PTK7: variants seen among roughly 807,000 people sequenced by gnomAD.
PTK7 encodes the protein inactive tyrosine-protein kinase 7.
A neutral mutation model predicts 116.6 loss-of-function variants in PTK7; 39 were observed. The observed-to-expected ratio is 0.33, with a 90% CI of 0.26 to 0.44. The LOEUF (loss-of-function observed/expected upper bound fraction) is 0.44. Ranked by LOEUF, PTK7 falls within the 20% of genes least tolerant of loss-of-function variation. The pLI, the probability that PTK7 is intolerant of heterozygous loss-of-function variation, is 1.00. For synonymous variants in PTK7, 546 were observed against 563.6 expected (o/e 0.97, Z 0.44); for missense variants, 1,169 against 1,425.6 (o/e 0.82, Z 2.90).
intron 1 of PTK7, among the ~76,000 whole-genome samples, chr6:43,125,136 C>T (rs1423154377): frequency 6.6e-6 from 1 of 151,494 alleles, no homozygotes; most frequent in Non-Finnish European, 1.5e-5. Flanking sequence ...TGTGCCATTG[C>T]ATTCCAGCCT....
rs1174836650 is a variant in PTK7, at chr6:43,076,827, G to C, written c.79+260G>C. 29 of 1,424,008 alleles carry C rather than the reference G, an allele frequency of 2.0e-5. No individual in the cohort carries two copies. Among genetic ancestry groups the C allele is most frequent in the Non-Finnish European group, 2.5e-5 (27 of 1,085,216 alleles). 88.2% of individuals were successfully genotyped at this position (1,424,008 alleles called of 1,614,324 possible). A position where few individuals can be genotyped will look rare whatever the true frequency, so the allele number is the denominator to read the frequency against. ...ATTTCCAGCCTCCCTGAGTTTTTCTGGTCTGAGCCGAGAGTTTGCTCGAGA... is the reference window on the plus strand; with the variant it reads ...ATTTCCAGCCTCCCTGAGTTTTTCTCGTCTGAGCCGAGAGTTTGCTCGAGA... On this transcript the variant is annotated intron_variant, in intron 1 of 19. Coordinates refer to ENST00000230419, the MANE Select transcript of PTK7 (RefSeq NM_002821.5). The surrounding 1 kb of genome is among the most constrained non-coding windows in gnomAD (Gnocchi z 5.7).
intron 1 of PTK7, among the ~76,000 whole-genome samples, chr6:43,087,116 G>A (rs1766704921): frequency 1.3e-5 from 2 of 152,210 alleles, no homozygotes; most frequent in Admixed American, 1.3e-4. Context: ...GCCTCCTATG[G>A]TGGTGGGATG....
At chr6:43,156,691 A>C (rs1582227788) in intron 17 of PTK7, among the ~76,000 whole-genome samples, 1 of 152,118 alleles carries the variant, frequency 6.6e-6, no homozygotes, top group East Asian at 1.9e-4. Context: ...TGAGGACGAG[A>C]TCGAGACCAT....
rs549489272 is a variant in PTK7 at position 43,139,014 on chromosome 6, C to T, written c.1362+32C>T. The T allele has an allele frequency of 3.1e-6, 5 of 1,608,614 alleles. No individual in the cohort carries two copies. In the South Asian group the frequency reaches 3.3e-5, roughly 11 times the overall value. On this transcript the variant is annotated intron_variant, in intron 8 of 19. Coordinates refer to ENST00000230419, the MANE Select transcript of PTK7 (RefSeq NM_002821.5). The surrounding 1 kb of genome is among the most constrained non-coding windows in gnomAD (Gnocchi z 4.6). ...AAGAAGAGTGTTGCTAGTGGATGGG[C>T]GGGGCCTTCCCTCCACTTGCCCTCT...
At chr6:43,111,237 C>T (rs1360360335) in intron 1 of PTK7, among the ~76,000 whole-genome samples, 2 of 152,240 alleles carry the variant, frequency 1.3e-5, no homozygotes, top group Admixed American at 6.5e-5. Context: ...GTAGCTACCC[C>T]TCTGAACTTC....
rs1422126105 is a variant in PTK7, at chr6:43,145,201, G to A, written c.2409G>A (p.Gly803=). 6.2e-7 allele frequency: 1 copy of A among 1,605,596 alleles called. No homozygotes were observed. Among genetic ancestry groups the A allele is most frequent in the East Asian group, 2.2e-5 (1 of 44,824 alleles). The part of the protein sequence containing the change: ...RSSLQPITTL[G]KSEFGEVFLA... ...GGCTGACTCAGACTGTACCCACAGG[G>A]AAGAGTGAGTTTGGGGAGGTGTTCC... The change falls in exon 16 of 20, where the codon GGG becomes GGA. Residue 803 remains glycine, a splice_region_variant and synonymous_variant. Transcript: ENST00000230419. The surrounding 1 kb of genome is among the most constrained non-coding windows in gnomAD (Gnocchi z 4.8).
In PTK7 at chr6:43,132,546, C is replaced by T. The variant is rs894577223; in HGVS notation, c.1087C>T (p.Leu363=). 5 of 1,613,454 alleles carry T rather than the reference C, an allele frequency of 3.1e-6. No individual in the cohort carries two copies. The highest frequency in any genetic ancestry group is 3.4e-6 in the Non-Finnish European group (4 of 1,179,842). Residue 363 remains leucine (L), a synonymous_variant, in exon 7 of 20, where the codon CTG becomes TTG. Transcript: ENST00000230419. Reference sequence around the variant, plus strand: ...GTGGTGGGAGCACGCGGGAGTCCGGCTGCCCACCCATGGCAGGGTCTACCA... The same window carrying T: ...GTGGTGGGAGCACGCGGGAGTCCGGTTGCCCACCCATGGCAGGGTCTACCA... ...SVWWEHAGVR[L]PTHGRVYQKG... is the part of the protein sequence containing the mutation.
At chr6:43,118,620 CCTCT>C (rs1170818291) in intron 1 of PTK7, among the ~76,000 whole-genome samples, 1,357 of 63,238 alleles carry the variant, frequency 0.021, 34 homozygotes, top group East Asian at 0.095. Flanking sequence ...AATATTTTAA[CCTCT>C]CTCTCTCTCT....
intron 1 of PTK7, among the ~76,000 whole-genome samples, chr6:43,127,112 A>T (rs1455107667): frequency 6.6e-6 from 1 of 152,242 alleles, no homozygotes; most frequent in Non-Finnish European, 1.5e-5. Flanking sequence ...AGGGACTTGG[A>T]AGGGGCTCTG....
intron 1 of PTK7, among the ~76,000 whole-genome samples, chr6:43,106,003 T>C (rs1219707403): frequency 6.6e-6 from 1 of 152,164 alleles, no homozygotes; most frequent in East Asian, 1.9e-4. Flanking sequence ...GCGCCTGCCA[T>C]TCTCTCCATG....
chr6:43,135,932 G>A (rs1487550161), intron 7 of PTK7, among the ~76,000 whole-genome samples: 1 of 151,970 alleles, frequency 6.6e-6, no homozygotes, highest in Non-Finnish European at 1.5e-5. Context: ...CTCACGCCTT[G>A]TAATCCCAGC....
intron 1 of PTK7, among the ~76,000 whole-genome samples, chr6:43,114,972 G>A (rs1358189657): frequency 1.3e-5 from 2 of 151,734 alleles, no homozygotes; most frequent in South Asian, 2.1e-4. Context: ...AACCTGGGAG[G>A]CGGAGGTTGC....
intron 1 of PTK7, among the ~76,000 whole-genome samples, chr6:43,091,037 C>G (rs949828223): frequency 3.3e-5 from 5 of 152,298 alleles, no homozygotes; most frequent in African/African-American, 1.2e-4. Flanking sequence ...GCTGCCCCCT[C>G]CTTGCTCCCC....
At chr6:43,101,638 T>C (rs1340421237) in intron 1 of PTK7, among the ~76,000 whole-genome samples, 1 of 152,110 alleles carries the variant, frequency 6.6e-6, no homozygotes, top group African/African-American at 2.4e-5. Context: ...AAGTAGAGCC[T>C]GTAAATGCTT....
intron 1 of PTK7, among the ~76,000 whole-genome samples, chr6:43,122,395 C>G (rs2150417377): frequency 6.7e-6 from 1 of 150,060 alleles, no homozygotes; most frequent in Middle Eastern, 3.4e-3. Context: ...GCTGCTCCTC[C>G]CCTGGAACAT....
At chr6:43,088,350 T>G (rs1766767848) in intron 1 of PTK7, among the ~76,000 whole-genome samples, 1 of 152,042 alleles carries the variant, frequency 6.6e-6, no homozygotes, top group Admixed American at 6.6e-5. Flanking sequence ...CAGTCCCTCC[T>G]GTGCCTTCAC....
rs775785258 is a variant in PTK7, at chr6:43,132,782, C to T, written c.1228+95C>T. The T allele has an allele frequency of 2.0e-5, 30 of 1,507,376 alleles. No individual in the cohort carries two copies. The East Asian group carries it at 7.1e-4, about 36-fold the overall frequency. The allele number at this position is 1,507,376 out of a possible 1,614,324, so 93.4% of individuals were successfully genotyped here. On this transcript the variant is annotated intron_variant, in intron 7 of 19. Transcript: ENST00000230419. ...GCTTCCCTGGTACTCACCTGAGGTCCTCTCAGTTCTGGGCCCTGCAGGCTT... is the reference window on the plus strand; with the variant it reads ...GCTTCCCTGGTACTCACCTGAGGTCTTCTCAGTTCTGGGCCCTGCAGGCTT...
intron 1 of PTK7, among the ~76,000 whole-genome samples, chr6:43,110,758 G>T (rs1768152579): frequency 6.6e-6 from 1 of 152,076 alleles, no homozygotes; most frequent in Non-Finnish European, 1.5e-5. Context: ...ATATATCAAG[G>T]CCAGCAACCC....
At chr6:43,157,356 A>T (rs1304290354) in intron 17 of PTK7, among the ~76,000 whole-genome samples, 71 of 3,176 alleles carry the variant, frequency 0.022, 2 homozygotes, top group East Asian at 0.087. Context: ...ATATATATAT[A>T]TATATATATT....
Sources: allele counts gnomAD v4.1 joint callset (sites outside exome capture counted in the v4.1 genomes callset), GRCh38; gene constraint gnomAD v4.1.1; non-coding constraint Gnocchi (gnomAD v3.1); transcripts MANE v1.5; gene names NCBI Gene and HGNC (gene_info 2026-07-23, HGNC 2026-07-21).